Variants in HNRNPR observed in about 807,000 individuals in gnomAD.
HNRNPR encodes heterogeneous nuclear ribonucleoprotein R.
A neutral mutation model predicts 70.3 loss-of-function variants in HNRNPR; 4 were observed. The observed-to-expected ratio is 0.06, with a 90% CI of 0.03 to 0.13. The LOEUF is 0.13. Among genes scored for constraint, HNRNPR ranks in the 10% least tolerant of loss-of-function variants. The pLI is 1.00. For missense variants in HNRNPR, 423 were observed against 788.5 expected (o/e 0.54, Z 5.55); for synonymous variants, 241 against 267.6 (o/e 0.90, Z 0.97).
In HNRNPR at chr1:23,310,029, A is replaced by G. The variant is rs1480976030; in HGVS notation, c.*425T>C. 6.5e-6 allele frequency: 1 copy of G among 153,684 alleles called. No individual in the cohort carries two copies. Among genetic ancestry groups the G allele is most frequent in the African/African-American group, 2.4e-5 (1 of 41,486 alleles). The allele number at this position is 153,684 out of a possible 1,614,324, so 9.5% of individuals were successfully genotyped here. On this transcript the variant is annotated 3_prime_UTR_variant, in exon 11 of 11. Transcript: ENST00000302271. This position sits in a 1 kb window ranked among gnomAD's most constrained non-coding sequence, Gnocchi z 6.0. ...AAGAAAACTTAAATTTGTTTGCTTT[A>G]ATTTCTTAAAACTACTAAGACAAAG...
chr1:23,334,008 G>C (rs555466039), intron 4 of HNRNPR, among the ~76,000 whole-genome samples: 1 of 152,014 alleles, frequency 6.6e-6, no homozygotes, highest in Non-Finnish European at 1.5e-5. Context: ...CTGCCTCCCG[G>C]GTCTAAGAGA....
intron 5 of HNRNPR, among the ~76,000 whole-genome samples, chr1:23,326,329 T>C (rs1411905311): frequency 6.6e-6 from 1 of 152,156 alleles, no homozygotes; most frequent in Non-Finnish European, 1.5e-5. Context: ...TACTGTTATA[T>C]GTGATTTAAG....
At chr1:23,341,123 CCT>C in intron 1 of HNRNPR, 106 bp from the exon 2 acceptor site, 3 of 761,920 alleles carry the variant, frequency 3.9e-6, no homozygotes, top group Non-Finnish European at 6.3e-6. Flanking sequence ...CTGCTAATAA[CCT>C]CTATCAAAAT....
chr1:23,319,109 G>T (rs1224898301), intron 7 of HNRNPR, among the ~76,000 whole-genome samples: 1 of 152,136 alleles, frequency 6.6e-6, no homozygotes, highest in Non-Finnish European at 1.5e-5. Flanking sequence ...TTTTTACCAA[G>T]AATGGAAGTG....
At chr1:23,326,873 G>C (rs904789182) in intron 5 of HNRNPR, among the ~76,000 whole-genome samples, 7 of 152,080 alleles carry the variant, frequency 4.6e-5, no homozygotes, top group Non-Finnish European at 8.8e-5. Context: ...AACTACCACC[G>C]TCAAAACCTT....
intron 5 of HNRNPR, among the ~76,000 whole-genome samples, chr1:23,332,424 C>T (rs1419132938): frequency 6.6e-6 from 1 of 151,340 alleles, no homozygotes; most frequent in African/African-American, 2.4e-5. Flanking sequence ...AAAACTTGGC[C>T]AGGCGCGGTG....
At chr1:23,312,344 T>A (rs926548282) in intron 9 of HNRNPR, among the ~76,000 whole-genome samples, 7 of 152,348 alleles carry the variant, frequency 4.6e-5, no homozygotes, top group Non-Finnish European at 1.0e-4. Context: ...GTTCCTGGAC[T>A]AGATATTTTA....
chr1:23,334,157 G>A (rs1003656390), intron 4 of HNRNPR, among the ~76,000 whole-genome samples: 1 of 151,242 alleles, frequency 6.6e-6, no homozygotes, highest in Non-Finnish European at 1.5e-5. Flanking sequence ...CATGAGATCC[G>A]CCTGTCTTGG....
intron 8 of HNRNPR, among the ~76,000 whole-genome samples, chr1:23,317,375 G>A (rs188491536): frequency 3.0e-4 from 45 of 151,840 alleles, no homozygotes; most frequent in African/African-American, 7.7e-4. Flanking sequence ...GGAGAATGGC[G>A]TGAACCCAGG....
rs1220782510 is a variant in HNRNPR at position 23,311,185 on chromosome 1, T to C, written c.1289+16A>G. ...ATTCCTTGTCCAAAGATATATCTAC[T>C]AAAATGTAGACTCACGCAGTGCTTC... On this transcript the variant is annotated intron_variant, in intron 10 of 10. Coordinates refer to ENST00000302271, the MANE Select transcript of HNRNPR (RefSeq NM_005826.5). 1.2e-6 allele frequency: 2 copies of C among 1,613,178 alleles called. No individual in the cohort carries two copies.
chr1:23,321,490 T>C (rs1177603751), intron 7 of HNRNPR, 38 bp downstream of exon 7: 3 of 1,584,008 alleles, frequency 1.9e-6, no homozygotes, highest in Non-Finnish European at 2.6e-6. Context: ...GTACAACATA[T>C]TTCGCAAAAG....
intron 3 of HNRNPR, chr1:23,338,210 G>C: frequency 3.2e-6 from 1 of 315,804 alleles, no homozygotes; most frequent in Non-Finnish European, 5.7e-6. Flanking sequence ...ATGTTAAAAA[G>C]CTGAGTAACA....
At chr1:23,335,980 A>T (rs909766518) in intron 4 of HNRNPR, among the ~76,000 whole-genome samples, 1 of 148,254 alleles carries the variant, frequency 6.7e-6, no homozygotes, top group Non-Finnish European at 1.5e-5. Context: ...AGCCGGGCGT[A>T]GTGGCGGGCG....
In HNRNPR at chr1:23,333,541, C is replaced by T. The variant is rs200996181; in HGVS notation, c.475G>A (p.Val159Met). ...GPPPDSVYSG[V>M]QPGIGTEVFV... Reference sequence around the variant, plus strand: ...ACCTCCGTTCCAATTCCAGGTTGCACGCCAGAGTACACACTGTCTGGTGGA... The same window carrying T: ...ACCTCCGTTCCAATTCCAGGTTGCATGCCAGAGTACACACTGTCTGGTGGA... The change falls in exon 5 of 11, where the codon GTG becomes ATG. Residue 159 changes from valine (V) to methionine (M), a missense_variant. By Grantham distance (21) the Val-to-Met change is conservative (BLOSUM62 1). Around this residue, in one of 7 missense-constraint regions of HNRNPR, gnomAD observed 118 missense variants for 239.3 expected, o/e 0.49. Transcript: ENST00000302271. 7 of 1,611,426 alleles carry T rather than the reference C, an allele frequency of 4.3e-6. No homozygotes were observed. The highest frequency in any genetic ancestry group is 5.9e-6 in the Non-Finnish European group (7 of 1,177,608).
chr1:23,321,862 C>T (rs1645773115), intron 6 of HNRNPR, among the ~76,000 whole-genome samples, 199 bp from the exon 7 acceptor site: 1 of 152,108 alleles, frequency 6.6e-6, no homozygotes, highest in Non-Finnish European at 1.5e-5. Context: ...GTTTTGTTAA[C>T]CTTCACTACT....
intron 4 of HNRNPR, among the ~76,000 whole-genome samples, chr1:23,335,110 G>A (rs572809847): frequency 6.6e-6 from 1 of 152,166 alleles, no homozygotes; most frequent in African/African-American, 2.4e-5. Context: ...GTAGACAGGT[G>A]GCCTCACCGT....
chr1:23,333,461 T>C (rs765659245), intron 5 of HNRNPR, 57 bp downstream of exon 5: 3 of 1,018,708 alleles, frequency 2.9e-6, no homozygotes, highest in East Asian at 2.4e-5. Context: ...ATCTGCATAG[T>C]AGATAAAACA....
chr1:23,341,091 TCTAAA>T (rs1292245822), intron 1 of HNRNPR, 74 bp from the exon 2 acceptor site: 32 of 1,107,208 alleles, frequency 2.9e-5, no homozygotes, highest in Middle Eastern at 2.2e-4. Flanking sequence ...GCATGATTTA[TCTAAA>T]CTAATTTGTA....
rs114858992 is a variant in HNRNPR at position 23,332,118 on chromosome 1, C to T, written c.498+1400G>A. ...CTGCACTCCAGCCTGGGCGACAGAG[C>T]GAGACTGAATGGAGAGAGGGGAGAG... On this transcript the variant is annotated intron_variant, in intron 5 of 10. Transcript: ENST00000302271. Among the ~76,000 whole-genome samples the T allele has an allele frequency of 4.0e-3, 598 of 150,330 alleles. 6 individuals carry two copies. Among genetic ancestry groups the T allele is most frequent in the African/African-American group, 0.014 (572 of 40,860 alleles).
Sources: gnomAD v4.1 joint callset for allele counts (sites outside exome capture counted in the v4.1 genomes callset) on GRCh38, gnomAD v4.1.1 for gene constraint, gnomAD v4.1.1 regional missense constraint, Gnocchi (gnomAD v3.1) non-coding constraint, MANE v1.5 for transcripts, NCBI Gene and HGNC (gene_info 2026-07-23, HGNC 2026-07-21) for gene names.